Variants in FABP7 observed in about 807,000 individuals in gnomAD.
FABP7 encodes the protein fatty acid binding protein 7.
Under a neutral mutation model 14.2 loss-of-function variants are expected in FABP7, and 13 were observed. That is an observed-to-expected ratio of 0.91 (90% CI 0.59 to 1.45). The LOEUF (loss-of-function observed/expected upper bound fraction) is 1.45, where lower values mean the gene tolerates loss of function less well. Ranked by LOEUF, FABP7 falls within the 40% of genes most tolerant of loss-of-function variation. The pLI is 0.00. For missense variants in FABP7, 149 were observed against 157.6 expected (o/e 0.95, Z 0.29); for synonymous variants, 49 against 51.4 (o/e 0.95, Z 0.20).
chr6:122,780,505 G>C, intron 2 of FABP7, 42 bp downstream of exon 2: 1 of 1,567,314 alleles, frequency 6.4e-7, no homozygotes, highest in Non-Finnish European at 8.7e-7. Flanking sequence ...TGGGGAGAGG[G>C]GAATAAAGAT....
chr6:122,778,288 C>A (rs986035618), upstream of FABP7, among the ~76,000 whole-genome samples: 1 of 152,176 alleles, frequency 6.6e-6, no homozygotes, highest in Non-Finnish European at 1.5e-5. Context: ...TCAGAGGTTT[C>A]TGGCTTGTAC....
chr6:122,774,965 T>C (rs1780646206), upstream of FABP7, among the ~76,000 whole-genome samples: 1 of 151,794 alleles, frequency 6.6e-6, no homozygotes, highest in South Asian at 2.1e-4. Flanking sequence ...GTGAAGGATC[T>C]CTACAATGAA....
At chr6:122,774,518 T>C in the FABP7 span, among the ~76,000 whole-genome samples, 2 of 152,116 alleles carry the variant, frequency 1.3e-5, no homozygotes, top group South Asian at 2.1e-4. Context: ...GCAAATAAGC[T>C]ACTATTTGAA....
chr6:122,767,785 G>A, the FABP7 span, among the ~76,000 whole-genome samples: 10 of 148,630 alleles, frequency 6.7e-5, no homozygotes, highest in Non-Finnish European at 7.4e-5. Flanking sequence ...GAGAGAGAGA[G>A]AAAAAAAGGG....
chr6:122,782,211 A>G lies in FABP7; in HGVS notation c.348+1017A>G, dbSNP rs193058247. 1,510 of 980,340 alleles carry G rather than the reference A, an allele frequency of 1.5e-3. 6 individuals carry two copies. Among genetic ancestry groups the G allele is most frequent in the Admixed American group, 2.8e-3 (45 of 16,278 alleles). The allele number at this position is 980,340 out of a possible 1,614,324, so 60.7% of individuals were successfully genotyped here. ...AGGAATTATCTGTAAAAGAGGATTT[A>G]TTAGTGTCCTAAGGCTGCCACAACA... On this transcript the variant is annotated intron_variant, in intron 3 of 3. Coordinates refer to ENST00000368444, the MANE Select transcript of FABP7 (RefSeq NM_001446.5).
At chr6:122,754,722 C>T in the FABP7 span, among the ~76,000 whole-genome samples, 3 of 151,228 alleles carry the variant, frequency 2.0e-5, no homozygotes, top group South Asian at 4.2e-4. Flanking sequence ...AGACTATCCT[C>T]TTTTCCGTCC....
At chr6:122,776,959 G>T (rs1274770567), upstream of FABP7, among the ~76,000 whole-genome samples, 1 of 152,114 alleles carries the variant, frequency 6.6e-6, no homozygotes, top group Non-Finnish European at 1.5e-5. Context: ...TCATGTTTTT[G>T]ATAAGGTTTA....
At chr6:122,757,195 CTT>C in the FABP7 span, among the ~76,000 whole-genome samples, 1 of 152,236 alleles carries the variant, frequency 6.6e-6, no homozygotes, top group Admixed American at 6.5e-5. Context: ...ACATCTCAAA[CTT>C]ATTTCCAAGA....
upstream of FABP7, among the ~76,000 whole-genome samples, chr6:122,776,657 C>T (rs1780678212): frequency 6.6e-6 from 1 of 151,990 alleles, no homozygotes; most frequent in African/African-American, 2.4e-5. Flanking sequence ...TTCAAAATAG[C>T]TAGAAAAGAA....
At chr6:122,781,610 TAA>T in intron 3 of FABP7, 3 of 1,139,832 alleles carry the variant, frequency 2.6e-6, no homozygotes, top group Non-Finnish European at 3.2e-6. Context: ...GCTCCTGTAA[TAA>T]GAGATCTTTA....
the FABP7 span, among the ~76,000 whole-genome samples, chr6:122,750,263 C>G: frequency 1.4e-4 from 22 of 151,938 alleles, no homozygotes; most frequent in African/African-American, 4.1e-4. Flanking sequence ...AAATAGTATT[C>G]AAGCTTTGCA....
At chr6:122,763,169 T>C in the FABP7 span, among the ~76,000 whole-genome samples, 1 of 152,214 alleles carries the variant, frequency 6.6e-6, no homozygotes, top group Non-Finnish European at 1.5e-5. Context: ...CAAAACAGCA[T>C]GGTACTGGTA....
chr6:122,758,660 T>G, the FABP7 span, among the ~76,000 whole-genome samples: 1 of 152,208 alleles, frequency 6.6e-6, no homozygotes, highest in South Asian at 2.1e-4. Context: ...ACCCTAAGTA[T>G]ATGCTGGGCT....
chr6:122,777,688 A>G (rs1416733803), upstream of FABP7, among the ~76,000 whole-genome samples: 1 of 151,880 alleles, frequency 6.6e-6, no homozygotes, highest in Non-Finnish European at 1.5e-5. Context: ...ACTCTACTAA[A>G]AGTACAAAAA....
upstream of FABP7, among the ~76,000 whole-genome samples, chr6:122,774,947 C>T (rs1780645956): frequency 6.6e-6 from 1 of 151,462 alleles, no homozygotes; most frequent in African/African-American, 2.4e-5. Flanking sequence ...ATACACTTAA[C>T]CAAAAAAGTG....
chr6:122,777,844 A>AT (rs1486196917), upstream of FABP7, among the ~76,000 whole-genome samples: 2 of 141,328 alleles, frequency 1.4e-5, no homozygotes, highest in African/African-American at 5.1e-5. Context: ...CCCTTTCTCC[A>AT]AAAATAAATA....
upstream of FABP7, among the ~76,000 whole-genome samples, chr6:122,778,359 G>A (rs1562338558): frequency 6.6e-6 from 1 of 152,210 alleles, no homozygotes; most frequent in Non-Finnish European, 1.5e-5. Context: ...AAGCAGTTGT[G>A]AAGGAAGACT....
chr6:122,781,741 T>A, intron 3 of FABP7: 9 of 158,290 alleles, frequency 5.7e-5, no homozygotes, highest in Non-Finnish European at 6.8e-5. Context: ...GTGATAACCC[T>A]TTTTTTTTTT....
At chr6:122,764,517 C>T in the FABP7 span, among the ~76,000 whole-genome samples, 2 of 151,850 alleles carry the variant, frequency 1.3e-5, no homozygotes, top group Non-Finnish European at 1.5e-5. Flanking sequence ...TGCACATGTA[C>T]CCTAGAACTT....
Sources: allele counts gnomAD v4.1 joint callset (sites outside exome capture counted in the v4.1 genomes callset), GRCh38; gene constraint gnomAD v4.1.1; transcripts MANE v1.5; gene names NCBI Gene and HGNC (gene_info 2026-07-23, HGNC 2026-07-21).